Variants in SESTD1 observed in about 807,000 individuals in gnomAD.
SESTD1 encodes SEC14 and spectrin domain containing 1.
SESTD1 carries 43 observed loss-of-function variants against 101.7 expected under a neutral mutation model. That is an observed-to-expected ratio of 0.42 (90% CI 0.33 to 0.55). The LOEUF (loss-of-function observed/expected upper bound fraction) is 0.55, where lower values mean the gene tolerates loss of function less well. SESTD1 is among the 20% of genes least tolerant of loss of function. SESTD1 has a pLI of 0.07. For missense variants in SESTD1, 647 were observed against 815.1 expected (o/e 0.79, Z 2.51); for synonymous variants, 283 against 286.8 (o/e 0.99, Z 0.13).
At chr2:179,152,647 C>T (rs1392172466) in intron 5 of SESTD1, among the ~76,000 whole-genome samples, 2 of 152,046 alleles carry the variant, frequency 1.3e-5, no homozygotes, top group Admixed American at 1.3e-4. Context: ...GGAGAAATTA[C>T]CAAGACTGCT....
intron 13 of SESTD1, among the ~76,000 whole-genome samples, chr2:179,119,628 C>T (rs1015693703): frequency 8.5e-5 from 13 of 152,100 alleles, no homozygotes; most frequent in Non-Finnish European, 1.9e-4. Flanking sequence ...ATAAATTATC[C>T]TGTCTTAGGT....
intron 16 of SESTD1, 143 bp from the exon 17 acceptor site, chr2:179,112,988 G>T: frequency 8.9e-7 from 1 of 1,117,584 alleles, no homozygotes; most frequent in Non-Finnish European, 1.2e-6. Context: ...GTAGATTAAA[G>T]GCATTTTCTT....
At chr2:179,124,205 T>TA (rs572761321) in intron 11 of SESTD1, among the ~76,000 whole-genome samples, 159 bp downstream of exon 11, 31 of 152,190 alleles carry the variant, frequency 2.0e-4, no homozygotes, top group East Asian at 1.7e-3. Flanking sequence ...TACTTGTTTT[T>TA]AAAAAAAATC....
At chr2:179,167,856 G>A (rs554500542) in intron 5 of SESTD1, among the ~76,000 whole-genome samples, 1 of 152,190 alleles carries the variant, frequency 6.6e-6, no homozygotes, top group South Asian at 2.1e-4. Flanking sequence ...TGGGCCTCCT[G>A]GGTTCAAGCA....
At chr2:179,231,078 G>A (rs1257266225) in intron 1 of SESTD1, among the ~76,000 whole-genome samples, 1 of 152,140 alleles carries the variant, frequency 6.6e-6, no homozygotes, top group Non-Finnish European at 1.5e-5. Flanking sequence ...CACCCAACCT[G>A]TACTACCAAT....
At chr2:179,218,543 T>G (rs933452700) in intron 1 of SESTD1, among the ~76,000 whole-genome samples, 1 of 149,988 alleles carries the variant, frequency 6.7e-6, no homozygotes, top group African/African-American at 2.5e-5. Flanking sequence ...TGTGTTACCT[T>G]CAACCAAAAG....
chr2:179,110,622 C>T (rs1319555450), intron 17 of SESTD1, among the ~76,000 whole-genome samples: 2 of 151,908 alleles, frequency 1.3e-5, no homozygotes, highest in Non-Finnish European at 2.9e-5. Flanking sequence ...AGCAAGGTCA[C>T]CCAGGGAAAA....
intron 1 of SESTD1, among the ~76,000 whole-genome samples, chr2:179,262,314 T>C (rs1188324470): frequency 6.6e-6 from 1 of 152,214 alleles, no homozygotes; most frequent in African/African-American, 2.4e-5. Flanking sequence ...TTAAAACTAC[T>C]GAATTGCATA....
chr2:179,263,125 T>C (rs7587502), intron 1 of SESTD1, among the ~76,000 whole-genome samples: 4 of 152,166 alleles, frequency 2.6e-5, no homozygotes, highest in African/African-American at 7.2e-5. Context: ...ATTTGGAACA[T>C]AAAAACAGCC....
intron 5 of SESTD1, among the ~76,000 whole-genome samples, chr2:179,161,752 TA>T (rs1197891252): frequency 6.6e-6 from 1 of 152,200 alleles, no homozygotes; most frequent in East Asian, 1.9e-4. Context: ...TTTATACTTT[TA>T]AAAAACCTAG....
At chr2:179,202,563 C>G (rs189224747) in intron 1 of SESTD1, among the ~76,000 whole-genome samples, 1 of 134,844 alleles carries the variant, frequency 7.4e-6, no homozygotes. Context: ...CTTTCTGTGT[C>G]TAATTAAATT....
intron 1 of SESTD1, among the ~76,000 whole-genome samples, chr2:179,218,577 TATC>T (rs2046758799): frequency 1.3e-5 from 2 of 152,074 alleles, no homozygotes; most frequent in South Asian, 4.2e-4. Flanking sequence ...AAAAAACTAA[TATC>T]ATTTCTAGGT....
At chr2:179,255,336 TG>T (rs2047377661) in intron 1 of SESTD1, among the ~76,000 whole-genome samples, 1 of 152,158 alleles carries the variant, frequency 6.6e-6, no homozygotes, top group South Asian at 2.1e-4. Context: ...AAGCTGTAAA[TG>T]CAAAGGAAAA....
chr2:179,151,147 T>TTA, intron 6 of SESTD1, 131 bp downstream of exon 6: 1 of 523,638 alleles, frequency 1.9e-6, no homozygotes, highest in Non-Finnish European at 3.2e-6. Context: ...TGCTATAATG[T>TTA]GGTATGCACA....
intron 1 of SESTD1, among the ~76,000 whole-genome samples, chr2:179,258,994 T>C (rs769401980): frequency 6.6e-6 from 1 of 152,206 alleles, no homozygotes; most frequent in Admixed American, 6.5e-5. Flanking sequence ...GTTCCCCCCT[T>C]GGTATTCCCT....
intron 1 of SESTD1, among the ~76,000 whole-genome samples, chr2:179,248,277 T>G (rs1033503525): frequency 6.6e-6 from 1 of 151,964 alleles, no homozygotes; most frequent in Non-Finnish European, 1.5e-5. Flanking sequence ...AAATTCACAG[T>G]TTATAAAACT....
At chr2:179,200,236 G>C (rs75744546) in intron 1 of SESTD1, among the ~76,000 whole-genome samples, 34,975 of 151,796 alleles carry the variant, frequency 0.23, 4,286 homozygotes, top group South Asian at 0.42. Flanking sequence ...ACCTCTTCAA[G>C]GAGAACTACA....
chr2:179,116,887 A>G (rs766754715), intron 14 of SESTD1, 97 bp from the exon 15 acceptor site: 1 of 1,451,514 alleles, frequency 6.9e-7, no homozygotes, highest in Non-Finnish European at 9.3e-7. Context: ...TGTGATTAAT[A>G]AATCCGTTAA....
intron 5 of SESTD1, among the ~76,000 whole-genome samples, chr2:179,171,280 C>A (rs1204092319): frequency 6.6e-6 from 1 of 152,150 alleles, no homozygotes; most frequent in African/African-American, 2.4e-5. Context: ...TTCAAGCCAT[C>A]TCCTTTAAGA....
Sources: gnomAD v4.1 joint callset for allele counts (sites outside exome capture counted in the v4.1 genomes callset) on GRCh38, gnomAD v4.1.1 for gene constraint, MANE v1.5 for transcripts, NCBI Gene and HGNC (gene_info 2026-07-23, HGNC 2026-07-21) for gene names.